The following GRM7 variants were observed in gnomAD, a reference collection of about 807,000 sequenced individuals.
GRM7 encodes the protein metabotropic glutamate receptor 7.
A neutral mutation model predicts 84.5 loss-of-function variants in GRM7; 35 were observed. The observed-to-expected ratio is 0.41, with a 90% confidence interval of 0.32 to 0.55. The LOEUF (loss-of-function observed/expected upper bound fraction) is 0.55, where lower values mean the gene tolerates loss of function less well. Among genes scored for constraint, GRM7 ranks in the 20% least tolerant of loss-of-function variants. GRM7 has a pLI of 0.19. For missense variants in GRM7, 1,003 were observed against 1,194.6 expected (o/e 0.84, Z 2.36); for synonymous variants, 487 against 455.1 (o/e 1.07, Z -0.89).
At chr3:7,661,140 A>AAGAT (rs1420081257) in intron 8 of GRM7, among the ~76,000 whole-genome samples, 4 of 152,182 alleles carry the variant, frequency 2.6e-5, no homozygotes, top group African/African-American at 9.7e-5. Context: ...TGTTTTTCAA[A>AAGAT]AGATAGTGTT....
At chr3:7,189,195 T>A (rs545792618) in intron 2 of GRM7, among the ~76,000 whole-genome samples, 1 of 152,298 alleles carries the variant, frequency 6.6e-6, no homozygotes, top group East Asian at 1.9e-4. Flanking sequence ...TGTATCTCAA[T>A]ATATCCTGTA....
At chr3:7,430,016 G>A (rs1372783480) in intron 5 of GRM7, among the ~76,000 whole-genome samples, 3 of 152,146 alleles carry the variant, frequency 2.0e-5, no homozygotes, top group African/African-American at 4.8e-5. Flanking sequence ...AGATGGGCAT[G>A]GTGGTGCATG....
chr3:7,214,392 A>G (rs1696533068), intron 2 of GRM7, among the ~76,000 whole-genome samples: 1 of 152,228 alleles, frequency 6.6e-6, no homozygotes, highest in Admixed American at 6.5e-5. Flanking sequence ...GAGCTTCAGA[A>G]GCAAACAAGA....
At chr3:7,358,079 C>T (rs1284943561) in intron 4 of GRM7, among the ~76,000 whole-genome samples, 1 of 152,066 alleles carries the variant, frequency 6.6e-6, no homozygotes, top group Non-Finnish European at 1.5e-5. Context: ...TCCTCCAACC[C>T]ATTCTAAGAA....
intron 1 of GRM7, among the ~76,000 whole-genome samples, chr3:7,027,940 A>G (rs1011861799): frequency 6.6e-6 from 1 of 152,178 alleles, no homozygotes; most frequent in Admixed American, 6.5e-5. Context: ...ATCGCCAGGT[A>G]CTTAGCCTCA....
intron 1 of GRM7, among the ~76,000 whole-genome samples, chr3:6,974,254 C>T (rs1364621728): frequency 6.6e-6 from 1 of 151,910 alleles, no homozygotes; most frequent in Non-Finnish European, 1.5e-5. Flanking sequence ...GGGGTAGCAA[C>T]TGGGGAAAGA....
chr3:7,481,339 C>T (rs186122109), intron 7 of GRM7, among the ~76,000 whole-genome samples: 10 of 152,190 alleles, frequency 6.6e-5, no homozygotes, highest in Admixed American at 1.3e-4. Flanking sequence ...CCTGGGCTCC[C>T]GCCTCGGCCT....
rs1178289960 is a variant in GRM7 at position 7,073,575 on chromosome 3, T to C, written c.520-72877T>C. Among the ~76,000 whole-genome samples, 7 of 152,130 alleles carry C rather than the reference T, an allele frequency of 4.6e-5. No individual in the cohort carries two copies. The South Asian group carries it at 1.0e-3, about 22-fold the overall frequency. The stretch of plus-strand genomic sequence containing the variant: ...GAATTCTTTGATTCCTAAGTGACTA[T>C]TGGAGTTAGGGTTTATTTTAGAAAA... On this transcript the variant is annotated intron_variant, in intron 1 of 9. Coordinates refer to ENST00000357716, the MANE Select transcript of GRM7 (RefSeq NM_000844.4).
chr3:7,410,571 CAA>C (rs200197427), intron 4 of GRM7, among the ~76,000 whole-genome samples: 2 of 139,108 alleles, frequency 1.4e-5, no homozygotes, highest in African/African-American at 5.6e-5. Flanking sequence ...GACCCTGTCT[CAA>C]AAAAACAAAA....
intron 8 of GRM7, among the ~76,000 whole-genome samples, chr3:7,662,921 A>T (rs1326214483): frequency 6.6e-6 from 1 of 152,220 alleles, no homozygotes; most frequent in Non-Finnish European, 1.5e-5. Context: ...TGCAGAAACA[A>T]GTTCTGGGGA....
At chr3:6,931,002 CACACTCAT>C (rs1445840082) in intron 1 of GRM7, among the ~76,000 whole-genome samples, 1 of 152,200 alleles carries the variant, frequency 6.6e-6, no homozygotes, top group African/African-American at 2.4e-5. Flanking sequence ...TCATTACCTC[CACACTCAT>C]AATCGCTTCT....
chr3:7,352,601 G>A lies in GRM7; in HGVS notation c.1033+45949G>A, dbSNP rs1041487175. Among the ~76,000 whole-genome samples the A allele has an allele frequency of 3.9e-5, 6 of 152,052 alleles. No individual in the cohort carries two copies. The South Asian group carries it at 6.2e-4, about 16-fold the overall frequency. ...AAAGGTGAACTCTTAGCCCCAAAGC[G>A]TTTCTACTGTTAAAGAGAGGACATT... is the stretch of plus-strand genomic sequence containing the variant. On this transcript the variant is annotated intron_variant, in intron 4 of 9. Transcript: ENST00000357716.
chr3:6,940,184 C>T (rs188988970), intron 1 of GRM7, among the ~76,000 whole-genome samples: 188 of 152,198 alleles, frequency 1.2e-3, no homozygotes, highest in Middle Eastern at 6.8e-3. Flanking sequence ...CTCCGCCTCC[C>T]GGGTTCAAGC....
At chr3:7,595,322 A>G (rs1462699315) in intron 8 of GRM7, among the ~76,000 whole-genome samples, 6 of 152,306 alleles carry the variant, frequency 3.9e-5, no homozygotes, top group African/African-American at 1.4e-4. Flanking sequence ...GTGAGGAGGT[A>G]ATACATGAGC....
chr3:7,648,659 A>AT (rs911016932), intron 8 of GRM7, among the ~76,000 whole-genome samples: 2 of 151,744 alleles, frequency 1.3e-5, no homozygotes, highest in African/African-American at 4.9e-5. Context: ...AAAAAGAAAA[A>AT]AAAAAAAAGG....
intron 2 of GRM7, among the ~76,000 whole-genome samples, chr3:7,198,829 T>C (rs1169325441): frequency 6.6e-6 from 1 of 152,218 alleles, no homozygotes; most frequent in South Asian, 2.1e-4. Flanking sequence ...AGTTGGGGAC[T>C]GCCTGTACAT....
intron 4 of GRM7, among the ~76,000 whole-genome samples, chr3:7,374,644 ATT>A (rs569869343): frequency 0.22 from 28,365 of 130,772 alleles, 3,383 homozygotes; most frequent in African/African-American, 0.38. Context: ...ATACCTGGCC[ATT>A]TTTTTTTTTT....
At chr3:7,255,084 A>C (rs893963312) in intron 2 of GRM7, among the ~76,000 whole-genome samples, 25 of 152,232 alleles carry the variant, frequency 1.6e-4, no homozygotes, top group African/African-American at 4.6e-4. Context: ...GTAAGAAAGT[A>C]CTGGTTTTGT....
intron 5 of GRM7, among the ~76,000 whole-genome samples, chr3:7,447,962 A>G (rs1697594637): frequency 7.9e-6 from 1 of 127,178 alleles, no homozygotes; most frequent in Non-Finnish European, 1.6e-5. Context: ...ATGTGTTCTC[A>G]TTGTTCAGTT....
Sources: allele counts gnomAD v4.1 joint callset (sites outside exome capture counted in the v4.1 genomes callset), GRCh38; gene constraint gnomAD v4.1.1; transcripts MANE v1.5; gene names NCBI Gene and HGNC (gene_info 2026-07-23, HGNC 2026-07-21).